The following MECOM variants were observed in gnomAD, a reference collection of about 807,000 sequenced individuals.
MECOM encodes MDS1 and EVI1 complex locus.
MECOM carries 13 observed loss-of-function variants against 116.3 expected under a neutral mutation model. The ratio of observed to expected loss-of-function variants is 0.11; its 90% confidence interval spans 0.07 to 0.18. The LOEUF (loss-of-function observed/expected upper bound fraction) is 0.18, where lower values mean the gene tolerates loss of function less well. Ranked by LOEUF, MECOM falls within the 10% of genes least tolerant of loss-of-function variation. The pLI, the probability that MECOM is intolerant of heterozygous loss-of-function variation, is 1.00. For missense variants in MECOM, 1,299 were observed against 1,509.0 expected (o/e 0.86, Z 2.31); for synonymous variants, 528 against 535.2 (o/e 0.99, Z 0.19).
At chr3:169,094,039 A>C (rs6795291) in intron 13 of MECOM, among the ~76,000 whole-genome samples, 5 of 151,904 alleles carry the variant, frequency 3.3e-5, no homozygotes, top group Non-Finnish European at 7.4e-5. Flanking sequence ...ACACAGTTAG[A>C]GTGGCCAGTT....
intron 2 of MECOM, among the ~76,000 whole-genome samples, chr3:169,315,969 C>A (rs1235781905): frequency 6.6e-6 from 1 of 152,124 alleles, no homozygotes; most frequent in Non-Finnish European, 1.5e-5. Flanking sequence ...GTTATTTGTT[C>A]TTTGGTCAAT....
intron 1 of MECOM, among the ~76,000 whole-genome samples, chr3:169,521,467 AC>A (rs1224720824): frequency 6.6e-6 from 1 of 152,194 alleles, no homozygotes; most frequent in Non-Finnish European, 1.5e-5. Context: ...CACAGCATGT[AC>A]TTTTTCATTG....
At chr3:169,654,745 G>GTGAAAGACACAACATAGTTT (rs970864438) in intron 1 of MECOM, among the ~76,000 whole-genome samples, 2 of 151,830 alleles carry the variant, frequency 1.3e-5, no homozygotes, top group Non-Finnish European at 2.9e-5. Context: ...CAACATAGTT[G>GTGAAAGACACAACATAGTTT]TAAAAGACTA....
At chr3:169,414,150 T>G (rs1243961703) in intron 1 of MECOM, among the ~76,000 whole-genome samples, 3 of 152,106 alleles carry the variant, frequency 2.0e-5, no homozygotes, top group Non-Finnish European at 2.9e-5. Flanking sequence ...CCGGCTGGTA[T>G]ATGGTGGGTG....
intron 6 of MECOM, among the ~76,000 whole-genome samples, chr3:169,122,290 C>G (rs191449962): frequency 6.6e-6 from 1 of 152,272 alleles, no homozygotes; most frequent in African/African-American, 2.4e-5. Context: ...TAAAACAACT[C>G]CACACTGGCA....
At chr3:169,127,654 T>C (rs1258428504) in intron 5 of MECOM, among the ~76,000 whole-genome samples, 190 bp downstream of exon 5, 1 of 152,200 alleles carries the variant, frequency 6.6e-6, no homozygotes, top group Non-Finnish European at 1.5e-5. Context: ...TCAAAATAAC[T>C]AATTCCAATT....
At chr3:169,121,424 A>G (rs981374027) in intron 6 of MECOM, among the ~76,000 whole-genome samples, 17 of 152,210 alleles carry the variant, frequency 1.1e-4, no homozygotes, top group African/African-American at 3.9e-4. Flanking sequence ...TGGTGTATCC[A>G]CTGGTATCAG....
At chr3:169,196,814 A>G (rs149348901) in intron 2 of MECOM, among the ~76,000 whole-genome samples, 2,307 of 152,154 alleles carry the variant, frequency 0.015, 167 homozygotes, top group Admixed American at 0.11. Flanking sequence ...ATTATTGGGT[A>G]TATACCCAAA....
chr3:169,271,097 G>A (rs1353624981), intron 2 of MECOM, among the ~76,000 whole-genome samples: 3 of 152,128 alleles, frequency 2.0e-5, no homozygotes, highest in Non-Finnish European at 4.4e-5. Context: ...CAATTCCCAT[G>A]GTATAACTAT....
intron 2 of MECOM, among the ~76,000 whole-genome samples, chr3:169,243,318 A>G (rs564211339): frequency 2.1e-4 from 32 of 152,276 alleles, no homozygotes; most frequent in Non-Finnish European, 3.1e-4. Context: ...ACCCAGAAAC[A>G]TGGAACACAG....
At chr3:169,317,159 G>C (rs1483681879) in intron 2 of MECOM, among the ~76,000 whole-genome samples, 1 of 152,182 alleles carries the variant, frequency 6.6e-6, no homozygotes, top group African/African-American at 2.4e-5. Context: ...CTGGCTTAGA[G>C]TTGTTATACG....
At chr3:169,602,237 T>C (rs1216798015) in intron 1 of MECOM, among the ~76,000 whole-genome samples, 1 of 152,216 alleles carries the variant, frequency 6.6e-6, no homozygotes, top group Non-Finnish European at 1.5e-5. Flanking sequence ...AGCAGCCAAC[T>C]TTCCAAAGAT....
intron 2 of MECOM, among the ~76,000 whole-genome samples, chr3:169,367,865 A>G (rs1729452069): frequency 6.6e-6 from 1 of 152,016 alleles, no homozygotes; most frequent in Admixed American, 6.6e-5. Context: ...TTCCTCTGAG[A>G]AGATACCTGT....
chr3:169,409,550 C>T (rs1232487928), intron 1 of MECOM, among the ~76,000 whole-genome samples: 1 of 152,204 alleles, frequency 6.6e-6, no homozygotes, highest in African/African-American at 2.4e-5. Context: ...CTCATGCCAT[C>T]TATATTTCAA....
At chr3:169,552,325 G>A (rs1226891344) in intron 1 of MECOM, among the ~76,000 whole-genome samples, 2 of 151,566 alleles carry the variant, frequency 1.3e-5, no homozygotes, top group Non-Finnish European at 2.9e-5. Flanking sequence ...TAGATATTTT[G>A]ATAACATCAT....
chr3:169,371,537 A>ACT (rs1553825828), intron 2 of MECOM, among the ~76,000 whole-genome samples: 3 of 151,460 alleles, frequency 2.0e-5, no homozygotes, highest in Non-Finnish European at 4.4e-5. Flanking sequence ...ACACACACTC[A>ACT]CACACACATA....
chr3:169,635,471 A>T (rs1188437366), intron 1 of MECOM, among the ~76,000 whole-genome samples: 1 of 152,208 alleles, frequency 6.6e-6, no homozygotes, highest in East Asian at 1.9e-4. Flanking sequence ...GCTATCTGCC[A>T]TGCACCATGC....
At chr3:169,373,027 A>G (rs1730405864) in intron 2 of MECOM, among the ~76,000 whole-genome samples, 2 of 151,966 alleles carry the variant, frequency 1.3e-5, no homozygotes, top group South Asian at 2.1e-4. Context: ...AGAACTCTAA[A>G]AAGTTATTTC....
At chr3:169,300,170 A>G (rs753736113) in intron 2 of MECOM, among the ~76,000 whole-genome samples, 2 of 152,220 alleles carry the variant, frequency 1.3e-5, no homozygotes, top group African/African-American at 2.4e-5. Context: ...GCCTATTGCC[A>G]TGAAGTCATA....
Sources: allele counts gnomAD v4.1 joint callset (sites outside exome capture counted in the v4.1 genomes callset), GRCh38; gene constraint gnomAD v4.1.1; transcripts MANE v1.5; gene names NCBI Gene and HGNC (gene_info 2026-07-23, HGNC 2026-07-21).